Variants in ANXA9 observed in about 807,000 individuals in gnomAD.
The protein encoded by ANXA9 is annexin 31.
Under a neutral mutation model 51.8 loss-of-function variants are expected in ANXA9, and 47 were observed. The ratio of observed to expected loss-of-function variants is 0.91; its 90% CI spans 0.72 to 1.16. The LOEUF (loss-of-function observed/expected upper bound fraction) is 1.16, where lower values mean the gene tolerates loss of function less well. Among genes scored for constraint, ANXA9 ranks in the 50% most tolerant of loss-of-function variants. ANXA9 has a pLI of 0.00. For missense variants in ANXA9, 361 were observed against 424.7 expected (o/e 0.85, Z 1.32); for synonymous variants, 154 against 168.7 (o/e 0.91, Z 0.68).
intron 7 of ANXA9, 107 bp from the exon 8 acceptor site, chr1:150,986,229 G>A (rs975937583): frequency 3.2e-6 from 3 of 927,502 alleles, no homozygotes; most frequent in Admixed American, 1.9e-5. Flanking sequence ...CCAAGCAGGG[G>A]CTAGCAGGGC....
At chr1:150,979,939 T>C (rs1671388151), upstream of ANXA9, among the ~76,000 whole-genome samples, 1 of 152,192 alleles carries the variant, frequency 6.6e-6, no homozygotes, top group South Asian at 2.1e-4. Context: ...ATGAGGAAAC[T>C]GAGCACAGAA....
At chr1:150,977,638 A>G (rs1038352563), upstream of ANXA9, among the ~76,000 whole-genome samples, 4 of 152,224 alleles carry the variant, frequency 2.6e-5, no homozygotes, top group Non-Finnish European at 4.4e-5. Flanking sequence ...CAGGGAGCCC[A>G]AATGTGGAAG....
chr1:150,983,557 A>G, intron 4 of ANXA9, 123 bp downstream of exon 4: 2 of 950,292 alleles, frequency 2.1e-6, no homozygotes, highest in Non-Finnish European at 3.2e-6. Flanking sequence ...TCATTCTTGT[A>G]TGTCAGGCGC....
At position 150,984,551 on chromosome 1, in the gene ANXA9, G is replaced by A. The variant is rs370721285; in HGVS notation, c.382-35G>A. ...CCTCTGTCTGCCATCCTAATGACAC[G>A]GCCAGTCTGAGAGTAGACTCCCAAT... On this transcript the variant is annotated intron_variant, in intron 6 of 13. Coordinates refer to ENST00000368947, the MANE Select transcript of ANXA9 (RefSeq NM_003568.3). 32 of 1,592,062 alleles carry A rather than the reference G, an allele frequency of 2.0e-5. No individual in the cohort carries two copies. In the African/African-American group the frequency reaches 2.2e-4, roughly 11 times the overall value.
intron 12 of ANXA9, among the ~76,000 whole-genome samples, chr1:150,993,629 CTTTCT>C (rs1401547237): frequency 2.6e-5 from 3 of 114,452 alleles, no homozygotes; most frequent in Non-Finnish European, 3.6e-5. Context: ...TTTTTTCTTT[CTTTCT>C]TTTTTTTTTT....
At chr1:150,986,566 T>C in intron 8 of ANXA9, 36 bp from the exon 9 acceptor site, 1 of 1,610,310 alleles carries the variant, frequency 6.2e-7, no homozygotes, top group South Asian at 1.1e-5. Flanking sequence ...AAAGGTGCCC[T>C]TCAAAGAGCC....
At chr1:150,985,008 C>A (rs1187024721) in intron 7 of ANXA9, among the ~76,000 whole-genome samples, 1 of 151,708 alleles carries the variant, frequency 6.6e-6, no homozygotes, top group Admixed American at 6.6e-5. Context: ...GCTAAAAATT[C>A]AAAAAAACCA....
chr1:150,986,220 C>A, intron 7 of ANXA9, 116 bp from the exon 8 acceptor site: 2 of 841,796 alleles, frequency 2.4e-6, no homozygotes, highest in South Asian at 1.6e-5. Flanking sequence ...CAAGCTACTC[C>A]AAGCAGGGGC....
intron 7 of ANXA9, among the ~76,000 whole-genome samples, chr1:150,985,167 G>C (rs1037050607): frequency 3.5e-5 from 5 of 141,234 alleles, no homozygotes; most frequent in Non-Finnish European, 6.2e-5. Flanking sequence ...GTGAGAGCAT[G>C]TCTCTCTCTC....
chr1:150,983,476 C>T (rs908906485), intron 4 of ANXA9, 42 bp downstream of exon 4: 2 of 1,543,224 alleles, frequency 1.3e-6, no homozygotes, highest in South Asian at 1.2e-5. Flanking sequence ...CCTTTTAGAG[C>T]CAATCTGTAG....
rs367764986 is a variant in ANXA9, at chr1:150,995,341, C to A, written c.*19C>A. Reference sequence around the variant, plus strand: ...CATGTGAGACTTCCCTGCCCCACCCCACATGACATCCGAGGATCTGAGATT... The same window carrying A: ...CATGTGAGACTTCCCTGCCCCACCCAACATGACATCCGAGGATCTGAGATT... On this transcript the variant is annotated 3_prime_UTR_variant, in exon 14 of 14. Coordinates refer to ENST00000368947, the MANE Select transcript of ANXA9 (RefSeq NM_003568.3). 75 of 1,587,284 alleles carry A rather than the reference C, an allele frequency of 4.7e-5. No homozygotes were observed. The highest frequency in any genetic ancestry group is 6.0e-5 in the Non-Finnish European group (70 of 1,167,128).
chr1:150,994,698 A>C lies in ANXA9; in HGVS notation c.974A>C (p.Gln325Pro). The C allele has an allele frequency of 6.2e-7, 1 of 1,613,900 alleles. No individual in the cohort carries two copies. The highest frequency in any genetic ancestry group is 8.5e-7 in the Non-Finnish European group (1 of 1,179,816). Residue 325 changes from glutamine (Q) to proline (P), a missense_variant and splice_region_variant, in exon 13 of 14, where the codon CAG becomes CCG. Gln to Pro is a moderately conservative substitution (Grantham distance 76, BLOSUM62 -1). Coordinates refer to ENST00000368947, the MANE Select transcript of ANXA9 (RefSeq NM_003568.3). ...KFGKSLYSSL[Q>P]DAVKGDCQSA... ...GGGAAGTCCCTCTACTCTTCTCTCC[A>C]GGTGAAACTTGGCTACTTCTTAGCC...
Position 150,983,323 on chromosome 1 carries a change from C to G in ANXA9, c.76-15C>G. 1 of 1,613,288 alleles carries G rather than the reference C, an allele frequency of 6.2e-7. No individual in the cohort carries two copies. Among genetic ancestry groups the G allele is most frequent in the Non-Finnish European group, 8.5e-7 (1 of 1,179,574 alleles). ...CCTGGCCCTGGCCCTTGCCAACTAC[C>G]CTGTGCTCCCACAGACTGCAGCGTG... On this transcript the variant is annotated splice_polypyrimidine_tract_variant and intron_variant, in intron 3 of 13. Transcript: ENST00000368947.
chr1:150,988,505 G>A (rs1203234324), intron 12 of ANXA9, among the ~76,000 whole-genome samples, 164 bp downstream of exon 12: 2 of 152,178 alleles, frequency 1.3e-5, no homozygotes, highest in African/African-American at 4.8e-5. Flanking sequence ...GGAGGAATGA[G>A]CTGTGGTGAG....
At chr1:150,991,091 C>A (rs185087237) in intron 12 of ANXA9, among the ~76,000 whole-genome samples, 1 of 149,564 alleles carries the variant, frequency 6.7e-6, no homozygotes, top group African/African-American at 2.5e-5. Flanking sequence ...TGCAGTGAGC[C>A]GAGATCGCGC....
chr1:150,985,186 T>G (rs1671520470), intron 7 of ANXA9, among the ~76,000 whole-genome samples: 1 of 145,164 alleles, frequency 6.9e-6, no homozygotes. Context: ...TCTCTCTCTC[T>G]CTCTCACACA....
At chr1:150,980,441 T>G (rs12067685), upstream of ANXA9, among the ~76,000 whole-genome samples, 211 of 151,940 alleles carry the variant, frequency 1.4e-3, 1 homozygote, top group African/African-American at 4.9e-3. Context: ...TGGGTCATAC[T>G]TGTACCAACA....
At chr1:150,988,002 T>C (rs1314893958) in intron 10 of ANXA9, 46 bp downstream of exon 10, 1 of 1,613,580 alleles carries the variant, frequency 6.2e-7, no homozygotes, top group East Asian at 2.2e-5. Flanking sequence ...TAATGATCAG[T>C]TTGGGCTGAG....
chr1:150,988,000 A>T, intron 10 of ANXA9, 44 bp downstream of exon 10: 1 of 1,613,728 alleles, frequency 6.2e-7, no homozygotes, highest in South Asian at 1.1e-5. Context: ...TCTAATGATC[A>T]GTTTGGGCTG....
Sources: gnomAD v4.1 joint callset for allele counts (sites outside exome capture counted in the v4.1 genomes callset) on GRCh38, gnomAD v4.1.1 for gene constraint, MANE v1.5 for transcripts, NCBI Gene and HGNC (gene_info 2026-07-23, HGNC 2026-07-21) for gene names.